Variants in RMP64 observed in about 807,000 individuals in gnomAD.
The protein encoded by RMP64 is nucleolus and neural progenitor protein.
chr3:113,017,358 G>A, the RMP64 span: 136 of 1,078,232 alleles, frequency 1.3e-4, no homozygotes, highest in East Asian at 2.9e-3. Flanking sequence ...AGATTTCCAC[G>A]AGATTTCCAT....
At chr3:113,015,812 T>C in the RMP64 span, among the ~76,000 whole-genome samples, 1 of 145,446 alleles carries the variant, frequency 6.9e-6, no homozygotes, top group African/African-American at 2.6e-5. Context: ...ACACAGACTA[T>C]ATTAAATGCT....
the RMP64 span, chr3:113,010,760 T>C: frequency 1.4e-6 from 2 of 1,411,162 alleles, no homozygotes; most frequent in Non-Finnish European, 2.0e-6. Flanking sequence ...TTTTCAAATC[T>C]ACAACAAATT....
the RMP64 span, chr3:113,008,647 C>T: frequency 2.7e-6 from 1 of 375,736 alleles, no homozygotes; most frequent in Non-Finnish European, 4.8e-6. Context: ...CTGCTACGTA[C>T]CCACAAAACC....
the RMP64 span, chr3:113,012,939 A>G: frequency 1.5e-6 from 1 of 652,656 alleles, no homozygotes; most frequent in Non-Finnish European, 2.7e-6. Context: ...CTTAAAACAC[A>G]TTCTATTTAA....
At chr3:113,017,187 A>C in the RMP64 span, among the ~76,000 whole-genome samples, 1 of 152,302 alleles carries the variant, frequency 6.6e-6, no homozygotes, top group East Asian at 1.9e-4. Flanking sequence ...AATGAAGAAA[A>C]TGTTTACTTG....
chr3:113,014,021 A>C, the RMP64 span: 1 of 1,611,320 alleles, frequency 6.2e-7, no homozygotes, highest in Non-Finnish European at 8.5e-7. Context: ...AACGCTTTAA[A>C]CATTGCTCAA....
At chr3:113,010,818 A>C in the RMP64 span, 1 of 932,106 alleles carries the variant, frequency 1.1e-6, no homozygotes. Context: ...ATAAAGGAAT[A>C]AAGCAAGCAA....
the RMP64 span, chr3:113,002,658 T>TGA: frequency 1.1e-5 from 1 of 92,530 alleles, no homozygotes; most frequent in Non-Finnish European, 1.8e-5. Context: ...GGATTTACAG[T>TGA]GTGTGTGTGT....
chr3:113,011,379 CCT>C, the RMP64 span: 2 of 1,595,686 alleles, frequency 1.3e-6, no homozygotes, highest in Non-Finnish European at 1.7e-6. Context: ...ACAAAATCAA[CCT>C]TTTTAAGACA....
chr3:113,005,505 T>A, the RMP64 span: 2 of 1,372,048 alleles, frequency 1.5e-6, no homozygotes, highest in African/African-American at 2.9e-5. Context: ...GCCTTGTTAA[T>A]CACTTAAAAG....
the RMP64 span, among the ~76,000 whole-genome samples, chr3:113,018,332 C>T: frequency 6.6e-6 from 1 of 152,118 alleles, no homozygotes; most frequent in Non-Finnish European, 1.5e-5. Context: ...AATGGGCTGC[C>T]TCGGGGATGG....
chr3:113,014,419 G>A, the RMP64 span: 1 of 159,334 alleles, frequency 6.3e-6, no homozygotes, highest in Non-Finnish European at 1.4e-5. Context: ...GCAGTGGCGT[G>A]ATCTCGGCTC....
chr3:113,010,741 G>T, the RMP64 span: 2 of 1,524,246 alleles, frequency 1.3e-6, no homozygotes, highest in African/African-American at 1.4e-5. Flanking sequence ...CAAAACCTTA[G>T]GCATACTATT....
the RMP64 span, chr3:113,019,443 G>C: frequency 1.2e-5 from 11 of 955,988 alleles, no homozygotes; most frequent in South Asian, 1.6e-4. Flanking sequence ...CGTCCCCCGG[G>C]CCGGGAAGTC....
At chr3:113,008,839 A>G in the RMP64 span, 2 of 168,776 alleles carry the variant, frequency 1.2e-5, no homozygotes, top group Admixed American at 5.5e-5. Context: ...GTTAACATAA[A>G]TATCCTAACA....
At chr3:113,011,448 C>A in the RMP64 span, 70 of 1,505,622 alleles carry the variant, frequency 4.6e-5, no homozygotes, top group Non-Finnish European at 6.1e-5. Flanking sequence ...CCAGTAATTA[C>A]AATTTGCAGA....
the RMP64 span, chr3:113,013,298 C>T: frequency 9.3e-6 from 15 of 1,613,812 alleles, no homozygotes; most frequent in Admixed American, 1.7e-5. Context: ...AGCAGTCCAA[C>T]AAGCGGAGCA....
the RMP64 span, chr3:113,005,614 T>G: frequency 6.2e-7 from 1 of 1,614,036 alleles, no homozygotes; most frequent in Non-Finnish European, 8.5e-7. Flanking sequence ...TTTTATTTAT[T>G]TGCATCACCG....
At chr3:113,005,686 A>T in the RMP64 span, 1 of 1,613,968 alleles carries the variant, frequency 6.2e-7, no homozygotes, top group Admixed American at 1.7e-5. Context: ...TTTTCTCCTT[A>T]GTTTGTATGA....
Sources: allele counts gnomAD v4.1 joint callset (sites outside exome capture counted in the v4.1 genomes callset), GRCh38; gene constraint gnomAD v4.1.1; transcripts MANE v1.5; gene names NCBI Gene and HGNC (gene_info 2026-07-23, HGNC 2026-07-21).